Variants in NINL observed in about 807,000 individuals in gnomAD.
NINL encodes the protein ninein-like protein.
A neutral mutation model predicts 160.3 loss-of-function variants in NINL; 153 were observed. That is an observed-to-expected ratio of 0.95 (90% CI 0.84 to 1.09). The LOEUF is 1.09. NINL is among the 50% of genes least tolerant of loss of function. NINL has a pLI of 0.00. For synonymous variants in NINL, 800 were observed against 734.8 expected (o/e 1.09, Z -1.43); for missense variants, 1,829 against 1,764.0 (o/e 1.04, Z -0.66).
In NINL at chr20:25,476,933, C is replaced by T. The variant is rs756078316; in HGVS notation, c.2358G>A (p.Lys786=). 2 of 1,611,892 alleles carry T rather than the reference C, an allele frequency of 1.2e-6. No homozygotes were observed. Among genetic ancestry groups the T allele is most frequent in the East Asian group, 2.2e-5 (1 of 44,872 alleles). ...SEQLELERAL[K]LQPCASEKRA... is the part of the protein sequence containing the mutation. ...GCTTCTCGCTCGCACAGGGCTGCAG[C>T]TTCAGTGCCCTCTCCAGCTCCAGCT... Residue 786 remains lysine, a synonymous_variant, in exon 17 of 24, where the codon AAG becomes AAA. Transcript: ENST00000278886.
intron 23 of NINL, among the ~76,000 whole-genome samples, chr20:25,453,986 A>C (rs929060562): frequency 1.3e-5 from 2 of 152,008 alleles, no homozygotes; most frequent in Non-Finnish European, 2.9e-5. Context: ...CGGGAGGTGG[A>C]GCTTGCAGTG....
chr20:25,462,304 G>C, intron 20 of NINL, 79 bp downstream of exon 20: 1 of 1,403,236 alleles, frequency 7.1e-7, no homozygotes, highest in Non-Finnish European at 9.8e-7. Context: ...CTCAGCGCGT[G>C]TCCTGACCTA....
chr20:25,544,093 A>AATTGTTTTGGCTATTAG (rs1600315776), intron 1 of NINL, among the ~76,000 whole-genome samples: 1 of 151,392 alleles, frequency 6.6e-6, no homozygotes, highest in Non-Finnish European at 1.5e-5. Flanking sequence ...TCTTTTTCAA[A>AATTGTTTTGGCTATTAG]GGTGTAAGAG....
At chr20:25,496,608 T>C in intron 10 of NINL, 55 bp downstream of exon 10, 1 of 1,599,384 alleles carries the variant, frequency 6.3e-7, no homozygotes, top group Non-Finnish European at 8.5e-7. Context: ...CTACCTGCCC[T>C]CAAAGGGGCT....
rs1318894908 is a variant in NINL at position 25,462,370 on chromosome 20, T to C, written c.3582+13A>G. Reference sequence around the variant, plus strand: ...AGCCTCCAGCTCAGCTCCCTGCGGCTGAGGCCACCCACCTGCTGCTGCCCA... The same window carrying C: ...AGCCTCCAGCTCAGCTCCCTGCGGCCGAGGCCACCCACCTGCTGCTGCCCA... On this transcript the variant is annotated intron_variant, in intron 20 of 23. Transcript: ENST00000278886. 1.6e-6 allele frequency: 2 copies of C among 1,270,846 alleles called. No individual in the cohort carries two copies. Among genetic ancestry groups the C allele is most frequent in the Admixed American group, 5.8e-5 (2 of 34,474 alleles). The allele number at this position is 1,270,846 out of a possible 1,614,324, so 78.7% of individuals were successfully genotyped here.
chr20:25,573,023 G>A (rs761821026), intron 1 of NINL, among the ~76,000 whole-genome samples: 4 of 152,108 alleles, frequency 2.6e-5, no homozygotes, highest in African/African-American at 7.2e-5. Flanking sequence ...TAGGCCAGGC[G>A]TGGTGGCTCA....
chr20:25,518,746 C>T (rs1250893327), intron 2 of NINL, among the ~76,000 whole-genome samples: 5 of 151,468 alleles, frequency 3.3e-5, no homozygotes, highest in African/African-American at 1.2e-4. Flanking sequence ...TTTTTCTCTC[C>T]CCTCCCCCAC....
At chr20:25,543,176 C>G (rs542188645) in intron 1 of NINL, among the ~76,000 whole-genome samples, 1 of 152,170 alleles carries the variant, frequency 6.6e-6, no homozygotes, top group Non-Finnish European at 1.5e-5. Context: ...GACACACACA[C>G]CCCCCTCCCA....
chr20:25,480,199 C>A lies in NINL; in HGVS notation c.1879G>T (p.Glu627Ter). Reference protein sequence around the residue: ...ETELMMEQVKEHYQDLRTQLE... With the variant: ...ETELMMEQVK Reference sequence around the variant, plus strand: ...TGGGTCCTGAGGTCTTGGTAATGCTCCTTTACCTGCTCCATCATCAGCTCC... The same window carrying A: ...TGGGTCCTGAGGTCTTGGTAATGCTACTTTACCTGCTCCATCATCAGCTCC... Residue 627 changes from glutamate (E) to a stop codon, truncating the protein, a stop_gained, in exon 15 of 24, where the codon GAG (glutamate) becomes TAG (stop). Coordinates refer to ENST00000278886, the MANE Select transcript of NINL (RefSeq NM_025176.6). LOFTEE classifies it high-confidence loss of function. 2.5e-6 allele frequency: 4 copies of A among 1,614,076 alleles called. No homozygotes were observed. The highest frequency in any genetic ancestry group is 3.4e-6 in the Non-Finnish European group (4 of 1,180,002).
intron 21 of NINL, 150 bp downstream of exon 21, chr20:25,461,372 G>A (rs2062781101): frequency 3.6e-6 from 2 of 560,310 alleles, no homozygotes; most frequent in South Asian, 2.4e-5. Flanking sequence ...AGCAGCTTCG[G>A]TCCTGGCCCG....
chr20:25,486,831 T>C (rs765083804), intron 13 of NINL, among the ~76,000 whole-genome samples: 10 of 152,186 alleles, frequency 6.6e-5, no homozygotes, highest in Non-Finnish European at 1.0e-4. Flanking sequence ...GAATCGAGAA[T>C]AGACCCTTAA....
chr20:25,535,964 C>T (rs1315284686), intron 1 of NINL, among the ~76,000 whole-genome samples: 1 of 152,076 alleles, frequency 6.6e-6, no homozygotes, highest in Non-Finnish European at 1.5e-5. Flanking sequence ...TGAAAAACAC[C>T]CGCGCCAAGC....
intron 19 of NINL, among the ~76,000 whole-genome samples, chr20:25,464,547 C>T (rs763219525): frequency 1.3e-5 from 2 of 152,158 alleles, no homozygotes; most frequent in African/African-American, 2.4e-5. Flanking sequence ...AGCTCCTAGC[C>T]GACAACACTC....
chr20:25,478,968 A>G lies in NINL; in HGVS notation c.2156T>C (p.Leu719Pro). The G allele has an allele frequency of 1.9e-6, 3 of 1,589,952 alleles. No individual in the cohort carries two copies. The highest frequency in any genetic ancestry group is 2.6e-6 in the Non-Finnish European group (3 of 1,168,726). ...GTGATGCCGCAGGGCCAGGCCACACAGTGCCTGGGTGCAGCAGGGTGCCAG... is the reference window on the plus strand; with the variant it reads ...GTGATGCCGCAGGGCCAGGCCACACGGTGCCTGGGTGCAGCAGGGTGCCAG... ...MGLAPCCTQALCGLALRHHSH... is the reference protein window; with the variant it reads ...MGLAPCCTQAPCGLALRHHSH... Residue 719 changes from leucine to proline, a missense_variant, in exon 16 of 24, where the codon CTG becomes CCG. By Grantham distance (98) the Leu-to-Pro change is moderately conservative. Coordinates refer to ENST00000278886, the MANE Select transcript of NINL (RefSeq NM_025176.6).
chr20:25,455,191 G>A (rs757649609), intron 23 of NINL, among the ~76,000 whole-genome samples: 2 of 152,184 alleles, frequency 1.3e-5, no homozygotes, highest in Non-Finnish European at 2.9e-5. Flanking sequence ...TCCTGTGCTG[G>A]TCACTGGGCA....
chr20:25,458,616 T>A (rs1413200865), intron 21 of NINL, 87 bp from the exon 22 acceptor site: 1 of 1,368,422 alleles, frequency 7.3e-7, no homozygotes. Context: ...CACCCCCACC[T>A]GCAAGGGCAA....
intron 1 of NINL, among the ~76,000 whole-genome samples, chr20:25,574,930 G>A (rs573050334): frequency 6.6e-6 from 1 of 152,110 alleles, no homozygotes; most frequent in East Asian, 1.9e-4. Flanking sequence ...TAAGACAAAT[G>A]ATGACGAAAA....
chr20:25,493,294 G>T (rs534523698), intron 10 of NINL, among the ~76,000 whole-genome samples: 2 of 152,108 alleles, frequency 1.3e-5, no homozygotes, highest in Non-Finnish European at 2.9e-5. Flanking sequence ...GGCTGTGCTC[G>T]GGAGAACGAA....
chr20:25,555,657 G>A (rs1449966451), intron 1 of NINL, among the ~76,000 whole-genome samples: 2 of 152,046 alleles, frequency 1.3e-5, no homozygotes, highest in East Asian at 3.9e-4. Flanking sequence ...CTTGAGTCCA[G>A]GAGTTTGAGA....
Sources: gnomAD v4.1 joint callset for allele counts (sites outside exome capture counted in the v4.1 genomes callset) on GRCh38, gnomAD v4.1.1 for gene constraint, MANE v1.5 for transcripts, NCBI Gene and HGNC (gene_info 2026-07-23, HGNC 2026-07-21) for gene names.